Variants in ANKRD12 observed in about 807,000 individuals in gnomAD.
ANKRD12 encodes the protein ankyrin repeat domain-containing protein 12.
Under a neutral mutation model 183.4 loss-of-function variants are expected in ANKRD12, and 85 were observed. That is an observed-to-expected ratio of 0.46 (90% CI 0.39 to 0.56). The LOEUF (loss-of-function observed/expected upper bound fraction) is 0.56, where lower values mean the gene tolerates loss of function less well. Ranked by LOEUF, ANKRD12 falls within the 20% of genes least tolerant of loss-of-function variation. The probability of loss-of-function intolerance (pLI) is 0.00; values close to 1 mark genes in which losing one functional copy is unlikely to be tolerated. For missense variants in ANKRD12, 2,405 were observed against 2,357.1 expected, an observed-to-expected ratio of 1.02 and a Z score of -0.42; for synonymous variants, 914 against 800.2, an observed-to-expected ratio of 1.14 and a Z score of -2.40.
intron 1 of ANKRD12, among the ~76,000 whole-genome samples, chr18:9,151,904 A>G (rs995999543): frequency 1.2e-4 from 18 of 152,160 alleles, no homozygotes; most frequent in African/African-American, 4.3e-4. Flanking sequence ...TTATCATTTC[A>G]TAATATAGAT....
At chr18:9,143,535 A>T (rs1043913935) in intron 1 of ANKRD12, among the ~76,000 whole-genome samples, 1 of 152,140 alleles carries the variant, frequency 6.6e-6, no homozygotes, top group East Asian at 1.9e-4. Context: ...ATCTTGGCGT[A>T]CTGCAACCTC....
At chr18:9,270,028 G>C (rs2039510113) in intron 10 of ANKRD12, among the ~76,000 whole-genome samples, 2 of 152,146 alleles carry the variant, frequency 1.3e-5, no homozygotes, top group Non-Finnish European at 2.9e-5. Flanking sequence ...ATCATCACTG[G>C]CCATCAGAGA....
intron 8 of ANKRD12, among the ~76,000 whole-genome samples, chr18:9,249,003 T>C (rs901277525): frequency 6.6e-6 from 1 of 152,248 alleles, no homozygotes; most frequent in African/African-American, 2.4e-5. Flanking sequence ...ACTTCTCTCT[T>C]ATCCCACCAT....
chr18:9,161,529 C>G (rs1239989003), intron 1 of ANKRD12, among the ~76,000 whole-genome samples: 3 of 151,848 alleles, frequency 2.0e-5, no homozygotes, highest in Admixed American at 2.0e-4. Flanking sequence ...GCGCCCGCCA[C>G]CACGCCTGGC....
chr18:9,232,497 G>T (rs1406971932), intron 8 of ANKRD12, among the ~76,000 whole-genome samples: 3 of 152,136 alleles, frequency 2.0e-5, no homozygotes, highest in South Asian at 4.1e-4. Context: ...TGATGGTGGT[G>T]GGGGGAGGCC....
chr18:9,258,919 T>G lies in ANKRD12; in HGVS notation c.5652T>G (p.Ile1884Met). The G allele has an allele frequency of 6.2e-7, 1 of 1,604,568 alleles. No individual in the cohort carries two copies. Among genetic ancestry groups the G allele is most frequent in the Non-Finnish European group, 8.5e-7 (1 of 1,174,856 alleles). The change falls in exon 9 of 13, where the codon ATT becomes ATG. Residue 1884 changes from isoleucine (I) to methionine (M), a missense_variant. Ile to Met is a conservative substitution (Grantham distance 10). Coordinates refer to ENST00000262126, the MANE Select transcript of ANKRD12 (RefSeq NM_015208.5). ...TGGATGGAAACCCCTTAAGCAAGAT[T>G]TGTATTCCCACAGTAAGTAACATCA... ...YLLDGNPLSK[I>M]CIPTITPPPS...
chr18:9,242,486 A>G (rs2037721312), intron 8 of ANKRD12, among the ~76,000 whole-genome samples: 1 of 152,064 alleles, frequency 6.6e-6, no homozygotes, highest in East Asian at 1.9e-4. Context: ...GTTCAGCTTT[A>G]GCTATCTCAT....
At chr18:9,224,813 A>G (rs538707714) in intron 8 of ANKRD12, among the ~76,000 whole-genome samples, 177 of 152,336 alleles carry the variant, frequency 1.2e-3, no homozygotes, top group African/African-American at 4.0e-3. Flanking sequence ...TAATTTTTAA[A>G]GTTTATGTAT....
At chr18:9,278,358 C>G (rs1286202541) in intron 11 of ANKRD12, among the ~76,000 whole-genome samples, 1 of 152,140 alleles carries the variant, frequency 6.6e-6, no homozygotes, top group African/African-American at 2.4e-5. Flanking sequence ...TCACTTCTTC[C>G]TTTTCAAAAT....
chr18:9,196,499 A>G (rs1270775333), intron 3 of ANKRD12, among the ~76,000 whole-genome samples: 1 of 152,214 alleles, frequency 6.6e-6, no homozygotes, highest in African/African-American at 2.4e-5. Flanking sequence ...CCTCAGAGAA[A>G]GTATTCCATT....
intron 8 of ANKRD12, among the ~76,000 whole-genome samples, chr18:9,228,124 A>G (rs999857436): frequency 1.3e-5 from 2 of 151,948 alleles, no homozygotes; most frequent in Non-Finnish European, 2.9e-5. Flanking sequence ...TGTTGCTGCA[A>G]ATGAAATCCA....
At chr18:9,173,165 G>T (rs1302301955) in intron 1 of ANKRD12, among the ~76,000 whole-genome samples, 1 of 151,718 alleles carries the variant, frequency 6.6e-6, no homozygotes, top group Non-Finnish European at 1.5e-5. Flanking sequence ...CGCCTCCCGG[G>T]TTCAAGCCAT....
chr18:9,188,977 C>T (rs748867252), intron 2 of ANKRD12, among the ~76,000 whole-genome samples: 1 of 152,160 alleles, frequency 6.6e-6, no homozygotes, highest in Non-Finnish European at 1.5e-5. Context: ...CATTTTAAGT[C>T]AAAAGCTCTA....
At chr18:9,221,488 A>G (rs1567932598) in intron 7 of ANKRD12, among the ~76,000 whole-genome samples, 1 of 152,234 alleles carries the variant, frequency 6.6e-6, no homozygotes, top group Non-Finnish European at 1.5e-5. Context: ...TCAAGAGGCC[A>G]GGGAACTTGT....
intron 2 of ANKRD12, among the ~76,000 whole-genome samples, chr18:9,194,905 CACAGTAGCAAAT>C (rs1049272752): frequency 5.9e-5 from 9 of 152,166 alleles, no homozygotes. Context: ...CAGCACTACT[CACAGTAGCAAAT>C]ACATGGAATT....
intron 6 of ANKRD12, among the ~76,000 whole-genome samples, chr18:9,215,727 CTG>C (rs1053492635): frequency 1.3e-4 from 9 of 68,338 alleles, no homozygotes; most frequent in Non-Finnish European, 3.2e-4. Flanking sequence ...CTGGAGAAAA[CTG>C]TGTCCAGATG....
chr18:9,192,642 A>G (rs2144356590), intron 2 of ANKRD12, among the ~76,000 whole-genome samples: 1 of 152,134 alleles, frequency 6.6e-6, no homozygotes, highest in East Asian at 1.9e-4. Context: ...ACTCTATTGT[A>G]AAATCTTGTG....
rs1407333328 is a variant in ANKRD12 at position 9,284,779 on chromosome 18, TAAAC to T, written c.*3657_*3660del. On this transcript the variant is annotated 3_prime_UTR_variant, in exon 13 of 13. Transcript: ENST00000262126. ...ACAATTCCATTAATCAAAATGGCTT[TAAAC>T]AAATTAAGTATTAGCATAAAAATAG... 6.6e-6 allele frequency: 1 copy of T among 152,182 alleles called. No homozygotes were observed. Among genetic ancestry groups the T allele is most frequent in the Non-Finnish European group, 1.5e-5 (1 of 68,022 alleles). 9.4% of individuals were successfully genotyped at this position (152,182 alleles called of 1,614,324 possible). A position where few individuals can be genotyped will look rare whatever the true frequency, so the allele number is the denominator to read the frequency against.
chr18:9,226,913 G>C (rs2036749685), intron 8 of ANKRD12, among the ~76,000 whole-genome samples: 1 of 152,166 alleles, frequency 6.6e-6, no homozygotes, highest in African/African-American at 2.4e-5. Flanking sequence ...AAATATGCCA[G>C]ATTATCCGCA....
Sources: gnomAD v4.1 joint callset for allele counts (sites outside exome capture counted in the v4.1 genomes callset) on GRCh38, gnomAD v4.1.1 for gene constraint, MANE v1.5 for transcripts, NCBI Gene and HGNC (gene_info 2026-07-23, HGNC 2026-07-21) for gene names.